Variants in CCDC77 observed in about 807,000 individuals in gnomAD.
CCDC77 encodes the protein coiled-coil domain containing 77.
In CCDC77, 56 loss-of-function variants were observed where a neutral mutation model predicts 66.8. That is an observed-to-expected ratio of 0.84 (90% CI 0.68 to 1.05). The LOEUF is 1.05. Ranked by LOEUF, CCDC77 falls within the 50% of genes least tolerant of loss-of-function variation. CCDC77 has a pLI of 0.00. For synonymous variants in CCDC77, 196 were observed against 195.2 expected (o/e 1.00, Z -0.03); for missense variants, 570 against 576.8 (o/e 0.99, Z 0.12).
At chr12:430,280 A>G (rs536800292) in intron 6 of CCDC77, among the ~76,000 whole-genome samples, 1 of 152,332 alleles carries the variant, frequency 6.6e-6, no homozygotes, top group African/African-American at 2.4e-5. Flanking sequence ...GGCATGAGCC[A>G]CCGCACCTGG....
chr12:394,689 G>A (rs1489560765), intron 1 of CCDC77, among the ~76,000 whole-genome samples: 1 of 152,194 alleles, frequency 6.6e-6, no homozygotes, highest in East Asian at 1.9e-4. Flanking sequence ...TTGATGTTGT[G>A]TGATTGCGAG....
At chr12:412,845 T>C (rs539983330) in intron 4 of CCDC77, among the ~76,000 whole-genome samples, 6 of 152,290 alleles carry the variant, frequency 3.9e-5, no homozygotes, top group African/African-American at 1.4e-4. Context: ...AACCCCTTCT[T>C]AGCCCTCCTC....
intron 4 of CCDC77, among the ~76,000 whole-genome samples, chr12:413,121 G>A (rs374409628): frequency 2.0e-5 from 3 of 149,006 alleles, no homozygotes; most frequent in Admixed American, 6.7e-5. Flanking sequence ...TGTACTTTTA[G>A]TAGAGACGGG....
intron 4 of CCDC77, among the ~76,000 whole-genome samples, chr12:416,392 T>TATATAC (rs1945279699): frequency 6.1e-5 from 3 of 48,988 alleles, no homozygotes; most frequent in Middle Eastern, 0.016. Flanking sequence ...TATATATATA[T>TATATAC]ATATATATAT....
rs74984871 is a variant in CCDC77 at position 404,014 on chromosome 12, T to C, written c.-70-1497T>C. On this transcript the variant is annotated intron_variant, in intron 1 of 12. Transcript: ENST00000239830. ...GCCAAGGTCCGGTCCCAAAGTGATA[T>C]ATTTTTAAAGGGTAGTTGGCACTAC... Among the ~76,000 whole-genome samples, 153 of 152,340 alleles carry C rather than the reference T, an allele frequency of 1.0e-3. 4 individuals carry two copies. The East Asian group carries it at 0.027, about 27-fold the overall frequency.
intron 10 of CCDC77, 57 bp downstream of exon 10, chr12:438,611 T>C: frequency 7.8e-7 from 1 of 1,289,266 alleles, no homozygotes; most frequent in Non-Finnish European, 1.1e-6. Flanking sequence ...TTGAAGGAAT[T>C]CCAAAGAACC....
chr12:399,173 A>ATT (rs1319750561), upstream of CCDC77, among the ~76,000 whole-genome samples: 1 of 146,430 alleles, frequency 6.8e-6, no homozygotes, highest in African/African-American at 2.7e-5. Flanking sequence ...GCCTTATGAA[A>ATT]TATTTTTTTT....
At chr12:404,521 A>T (rs1027937361) in intron 1 of CCDC77, among the ~76,000 whole-genome samples, 4 of 152,076 alleles carry the variant, frequency 2.6e-5, no homozygotes, top group Non-Finnish European at 5.9e-5. Flanking sequence ...TAATCTCAGC[A>T]CTTTGGAAGG....
At chr12:431,189 A>C (rs1945643686) in intron 7 of CCDC77, among the ~76,000 whole-genome samples, 1 of 149,724 alleles carries the variant, frequency 6.7e-6, no homozygotes, top group African/African-American at 2.4e-5. Context: ...TGAATCATCC[A>C]AGGAATTAAA....
At chr12:423,422 G>A (rs918207179) in intron 5 of CCDC77, among the ~76,000 whole-genome samples, 18 of 145,018 alleles carry the variant, frequency 1.2e-4, no homozygotes, top group African/African-American at 4.6e-4. Flanking sequence ...TTACAGGCAT[G>A]AGCCACCATG....
At chr12:431,081 A>AC (rs1430698800) in intron 7 of CCDC77, among the ~76,000 whole-genome samples, 1 of 151,606 alleles carries the variant, frequency 6.6e-6, no homozygotes, top group Non-Finnish European at 1.5e-5. Context: ...AAAAAAAAAA[A>AC]AAAACAGAAC....
chr12:409,676 C>T, intron 3 of CCDC77: 2 of 437,138 alleles, frequency 4.6e-6, no homozygotes, highest in Non-Finnish European at 8.3e-6. Context: ...GCCACTGTGC[C>T]CAGCCTGAGA....
rs1345217910 is a variant in CCDC77 at position 440,853 on chromosome 12, A to G, written c.1177A>G (p.Asn393Asp). ...MRREIFKDRT[N>D]KMGKRLQIMT... ...CATTCCCCATATTTAGGATCGCACTAACAAGATGGGGAAGCGTTTACAGAT... is the reference window on the plus strand; with the variant it reads ...CATTCCCCATATTTAGGATCGCACTGACAAGATGGGGAAGCGTTTACAGAT... Residue 393 changes from asparagine to aspartate, a missense_variant, in exon 12 of 13, where the codon AAC becomes GAC. Coordinates refer to ENST00000239830, the MANE Select transcript of CCDC77 (RefSeq NM_032358.4). 2 of 1,613,608 alleles carry G rather than the reference A, an allele frequency of 1.2e-6. No individual in the cohort carries two copies. Among genetic ancestry groups the G allele is most frequent in the Non-Finnish European group, 1.7e-6 (2 of 1,180,010 alleles).
intron 9 of CCDC77, among the ~76,000 whole-genome samples, chr12:434,592 T>C (rs892145461): frequency 6.6e-6 from 1 of 152,130 alleles, no homozygotes; most frequent in African/African-American, 2.4e-5. Context: ...TCTCTGGTGG[T>C]CCACCCGCCT....
intron 2 of CCDC77, among the ~76,000 whole-genome samples, chr12:409,014 G>T (rs1479889216): frequency 6.6e-6 from 1 of 152,004 alleles, no homozygotes; most frequent in Non-Finnish European, 1.5e-5. Context: ...GACCAGCCTG[G>T]CCAATATGGT....
At chr12:437,694 T>A (rs1565578011) in intron 9 of CCDC77, among the ~76,000 whole-genome samples, 1 of 151,764 alleles carries the variant, frequency 6.6e-6, no homozygotes, top group Non-Finnish European at 1.5e-5. Flanking sequence ...ACACACAAAT[T>A]TTTAATGAGC....
intron 1 of CCDC77, among the ~76,000 whole-genome samples, chr12:402,622 A>G (rs920653667): frequency 6.6e-6 from 1 of 152,242 alleles, no homozygotes; most frequent in African/African-American, 2.4e-5. Flanking sequence ...GTAGAAAGCC[A>G]TGAATTCTAG....
chr12:440,823 CTTCCCA>C lies in CCDC77; in HGVS notation c.1168-15_1168-10del, dbSNP rs1945844624. The C allele has an allele frequency of 6.2e-7, 1 of 1,613,154 alleles. No individual in the cohort carries two copies. Among genetic ancestry groups the C allele is most frequent in the Non-Finnish European group, 8.5e-7 (1 of 1,179,880 alleles). ...ACGCTTCCCTCACCTTCGTAAATGC[CTTCCCA>C]TTCCCCATATTTAGGATCGCACTAA... On this transcript the variant is annotated splice_polypyrimidine_tract_variant and intron_variant, in intron 11 of 12. Transcript: ENST00000239830.
At chr12:406,863 CTTGAATCCTGGAGGCAGAGG>C (rs1424757207) in intron 2 of CCDC77, among the ~76,000 whole-genome samples, 1 of 152,236 alleles carries the variant, frequency 6.6e-6, no homozygotes, top group Non-Finnish European at 1.5e-5. Flanking sequence ...AGGAGAATCA[CTTGAATCCTGGAGGCAGAGG>C]TTGCAGTGAG....
Sources: gnomAD v4.1 joint callset for allele counts (sites outside exome capture counted in the v4.1 genomes callset) on GRCh38, gnomAD v4.1.1 for gene constraint, MANE v1.5 for transcripts, NCBI Gene and HGNC (gene_info 2026-07-23, HGNC 2026-07-21) for gene names.